C16orf96: variants seen among roughly 807,000 people sequenced by gnomAD.
C16orf96 encodes uncharacterized protein C16orf96.
In C16orf96, 108 loss-of-function variants were observed where a neutral mutation model predicts 103.6. The observed-to-expected ratio is 1.04, with a 90% confidence interval of 0.89 to 1.22. The LOEUF (loss-of-function observed/expected upper bound fraction) is 1.22. Ranked by LOEUF, C16orf96 falls within the 50% of genes most tolerant of loss-of-function variation. C16orf96 has a pLI of 0.00. For missense variants in C16orf96, 1,586 were observed against 1,464.2 expected (o/e 1.08, Z -1.36); for synonymous variants, 566 against 593.5 (o/e 0.95, Z 0.67).
chr16:4,595,517 C>T (rs569984930), intron 14 of C16orf96, among the ~76,000 whole-genome samples: 6 of 152,270 alleles, frequency 3.9e-5, no homozygotes, highest in Admixed American at 2.0e-4. Context: ...TCACTGGGTT[C>T]GAAGGACAAA....
the C16orf96 span, among the ~76,000 whole-genome samples, chr16:4,550,444 A>G: frequency 5.4e-3 from 826 of 152,152 alleles, 8 homozygotes; most frequent in African/African-American, 0.019. Flanking sequence ...CCAAGGAGGT[A>G]CCTCTCTCCT....
intron 5 of C16orf96, among the ~76,000 whole-genome samples, chr16:4,577,178 C>A (rs191100057): frequency 6.6e-6 from 1 of 151,472 alleles, no homozygotes. Flanking sequence ...GCAACAAGAA[C>A]GAAACTCTGT....
chr16:4,581,147 T>TATAC (rs2059581779), intron 7 of C16orf96, among the ~76,000 whole-genome samples: 1 of 62,860 alleles, frequency 1.6e-5, no homozygotes, highest in Non-Finnish European at 2.7e-5. Flanking sequence ...TATACATATA[T>TATAC]ATATATATAT....
intron 1 of C16orf96, among the ~76,000 whole-genome samples, chr16:4,566,294 G>A (rs913600162): frequency 1.3e-5 from 2 of 152,210 alleles, no homozygotes; most frequent in African/African-American, 4.8e-5. Context: ...TACATTCCCA[G>A]CAGCAGTGTA....
At chr16:4,548,147 CAAAGT>C in the C16orf96 span, among the ~76,000 whole-genome samples, 1 of 152,102 alleles carries the variant, frequency 6.6e-6, no homozygotes, top group African/African-American at 2.4e-5. Context: ...GATGAAATAA[CAAAGT>C]AAACGCAGGC....
chr16:4,554,360 T>C (rs184293418), upstream of C16orf96, among the ~76,000 whole-genome samples: 2 of 151,736 alleles, frequency 1.3e-5, no homozygotes, highest in Non-Finnish European at 2.9e-5. Flanking sequence ...TCTTTTTCTT[T>C]TTTTTTTTGA....
chr16:4,569,074 A>C (rs1029745108), intron 1 of C16orf96, among the ~76,000 whole-genome samples: 2 of 151,892 alleles, frequency 1.3e-5, no homozygotes, highest in Admixed American at 1.3e-4. Flanking sequence ...GGTTCAAGTG[A>C]TCCTCTCACC....
At chr16:4,592,909 A>G (rs1025998023) in intron 11 of C16orf96, among the ~76,000 whole-genome samples, 2 of 152,206 alleles carry the variant, frequency 1.3e-5, no homozygotes, top group African/African-American at 4.8e-5. Context: ...TCCTGACCTC[A>G]GGTGATCCGC....
At chr16:4,565,001 C>T (rs1459902225) in intron 1 of C16orf96, among the ~76,000 whole-genome samples, 2 of 152,240 alleles carry the variant, frequency 1.3e-5, no homozygotes, top group African/African-American at 2.4e-5. Context: ...TCCTCGTTTC[C>T]GTGGAGGGAA....
chr16:4,562,999 T>A (rs1303535538), intron 1 of C16orf96: 2 of 1,132,390 alleles, frequency 1.8e-6, no homozygotes, highest in Admixed American at 1.8e-5. Context: ...ATTTTCCCAA[T>A]CTGAAACATG....
intron 6 of C16orf96, 97 bp from the exon 7 acceptor site, chr16:4,579,918 G>T: frequency 9.6e-7 from 1 of 1,045,888 alleles, no homozygotes; most frequent in African/African-American, 1.6e-5. Flanking sequence ...GCCTGGTCTG[G>T]TACATTCTTC....
At chr16:4,546,225 C>T in the C16orf96 span, among the ~76,000 whole-genome samples, 6 of 146,882 alleles carry the variant, frequency 4.1e-5, no homozygotes, top group African/African-American at 1.5e-4. Context: ...GTGGTGTAAT[C>T]TCGGCTCACT....
At chr16:4,566,057 C>T (rs146862597) in intron 1 of C16orf96, among the ~76,000 whole-genome samples, 156 of 152,188 alleles carry the variant, frequency 1.0e-3, no homozygotes, top group African/African-American at 3.6e-3. Flanking sequence ...TAACAGCCCA[C>T]GCTGGTCTTG....
Position 4,575,687 on chromosome 16 carries a change from G to C in C16orf96, c.1207G>C (p.Gly403Arg). The C allele has an allele frequency of 6.5e-7, 1 of 1,535,126 alleles. No homozygotes were observed. Among genetic ancestry groups the C allele is most frequent in the South Asian group, 1.2e-5 (1 of 81,658 alleles). ...WPLPQGWPRV[G>R]SWPLWDLGVL... Reference sequence around the variant, plus strand: ...TCTTCCCCAAGGCTGGCCCAGGGTGGGCTCTTGGCCTCTGTGGGACTTAGG... The same window carrying C: ...TCTTCCCCAAGGCTGGCCCAGGGTGCGCTCTTGGCCTCTGTGGGACTTAGG... The change falls in exon 5 of 16, where the codon GGC (glycine) becomes CGC (arginine). Residue 403 changes from glycine (G) to arginine (R), a missense_variant. Gly to Arg is a moderately radical substitution (Grantham distance 125). Coordinates refer to ENST00000444310, the MANE Select transcript of C16orf96 (RefSeq NM_001145011.2).
rs542102922 is a variant in C16orf96, at chr16:4,591,658, G to A, written c.2593-8G>A. On this transcript the variant is annotated splice_polypyrimidine_tract_variant and splice_region_variant and intron_variant, in intron 9 of 15. Coordinates refer to ENST00000444310, the MANE Select transcript of C16orf96 (RefSeq NM_001145011.2). ...ATTCTTTCTTATCTTCCCCTTGGCT[G>A]TTGGCAGTTAGTCCACAGTGATCTG... 7.2e-5 allele frequency: 112 copies of A among 1,545,542 alleles called. No individual in the cohort carries two copies. In the East Asian group the frequency reaches 1.8e-3, roughly 24 times the overall value.
chr16:4,579,201 C>CG (rs869309386), intron 6 of C16orf96, among the ~76,000 whole-genome samples, 176 bp downstream of exon 6: 366 of 18,942 alleles, frequency 0.019, 2 homozygotes, highest in African/African-American at 0.021. Flanking sequence ...TTCACTGGTG[C>CG]GGTGGGGGGG....
chr16:4,600,493 C>CCCA lies in C16orf96; in HGVS notation c.*178_*179insACC. On this transcript the variant is annotated 3_prime_UTR_variant, in exon 16 of 16. Transcript: ENST00000444310. ...GTCCGAGGCTGAGGCTCATGCGCCC[C>CCCA]CCCCCATCCCTACCAAGTCCCCTCC... 2.1e-6 allele frequency: 1 copy of CCCA among 475,006 alleles called. No individual in the cohort carries two copies. The allele number at this position is 475,006 out of a possible 1,614,324, so 29.4% of individuals were successfully genotyped here.
At chr16:4,549,688 C>T in the C16orf96 span, among the ~76,000 whole-genome samples, 2 of 151,978 alleles carry the variant, frequency 1.3e-5, no homozygotes, top group Non-Finnish European at 2.9e-5. Context: ...ATCCCAACTA[C>T]TTGGGAGGCT....
Position 4,575,435 on chromosome 16 carries a change from G to T in C16orf96, c.955G>T (p.Gly319Trp). The T allele has an allele frequency of 6.5e-7, 1 of 1,549,506 alleles. No individual in the cohort carries two copies. ...PPALTPESAPGCTTEFAPGPA... is the reference protein window; with the variant it reads ...PPALTPESAPWCTTEFAPGPA... ...GGCCCTCACGCCTGAGTCTGCACCT[G>T]GGTGCACAACTGAATTTGCACCTGG... Residue 319 changes from glycine (G) to tryptophan (W), a missense_variant, in exon 5 of 16, where the codon GGG (glycine) becomes TGG (tryptophan). Coordinates refer to ENST00000444310, the MANE Select transcript of C16orf96 (RefSeq NM_001145011.2).
Sources: allele counts gnomAD v4.1 joint callset (sites outside exome capture counted in the v4.1 genomes callset), GRCh38; gene constraint gnomAD v4.1.1; transcripts MANE v1.5; gene names NCBI Gene and HGNC (gene_info 2026-07-23, HGNC 2026-07-21).